Variants in HSF5 observed in about 807,000 individuals in gnomAD.
HSF5 encodes the protein heat shock factor protein 5.
HSF5 carries 5 observed loss-of-function variants against 50.8 expected under a neutral mutation model. The observed-to-expected ratio is 0.10, with a 90% CI of 0.05 to 0.21. The LOEUF is 0.21. HSF5 is among the 10% of genes least tolerant of loss of function. The probability of loss-of-function intolerance (pLI) is 1.00; values close to 1 mark genes in which losing one functional copy is unlikely to be tolerated. For missense variants in HSF5, 564 were observed against 762.6 expected (o/e 0.74, Z 3.07); for synonymous variants, 307 against 307.4 (o/e 1.00, Z 0.02).
intron 4 of HSF5, among the ~76,000 whole-genome samples, chr17:58,461,748 T>C (rs1042016922): frequency 1.3e-5 from 2 of 152,092 alleles, no homozygotes; most frequent in Non-Finnish European, 2.9e-5. Flanking sequence ...GGCTCGCCTG[T>C]AATCCCAGTT....
At chr17:58,477,129 T>C (rs2531738) in intron 2 of HSF5, among the ~76,000 whole-genome samples, 52,857 of 146,856 alleles carry the variant, frequency 0.36, 9,809 homozygotes, top group East Asian at 0.5. Flanking sequence ...TTTTTTTTTT[T>C]TTTTTTTTGA....
At chr17:58,476,470 C>T (rs1438728199) in intron 2 of HSF5, 14 of 1,083,286 alleles carry the variant, frequency 1.3e-5, no homozygotes, top group Non-Finnish European at 1.9e-5. Flanking sequence ...TCCAGATTTC[C>T]ATTTGATTTC....
chr17:58,438,481 G>A (rs1974456399), intron 5 of HSF5, among the ~76,000 whole-genome samples: 1 of 152,078 alleles, frequency 6.6e-6, no homozygotes, highest in African/African-American at 2.4e-5. Context: ...GGCAGCACAT[G>A]GTTAGGACAC....
At chr17:58,476,878 T>C (rs1598201156) in intron 2 of HSF5, 3 of 1,256,480 alleles carry the variant, frequency 2.4e-6, no homozygotes, top group East Asian at 2.3e-5. Context: ...GTTTTTTTTT[T>C]CCTGAGGTCT....
intron 1 of HSF5, among the ~76,000 whole-genome samples, chr17:58,483,609 A>C (rs1160334934): frequency 6.6e-6 from 1 of 152,220 alleles, no homozygotes; most frequent in Non-Finnish European, 1.5e-5. Context: ...AAGAATCCAA[A>C]AACTTGCCTC....
chr17:58,474,193 T>G (rs867029709), intron 2 of HSF5, among the ~76,000 whole-genome samples: 1 of 152,234 alleles, frequency 6.6e-6, no homozygotes. Context: ...CACTACTTTT[T>G]ATTTCCTTCA....
chr17:58,440,048 T>C (rs559103249), intron 5 of HSF5, among the ~76,000 whole-genome samples: 14 of 151,872 alleles, frequency 9.2e-5, no homozygotes, highest in African/African-American at 2.2e-4. Flanking sequence ...AGCTTTCCTA[T>C]TGAAGACAAC....
At chr17:58,454,019 G>A (rs968034307) in intron 5 of HSF5, among the ~76,000 whole-genome samples, 22 of 152,034 alleles carry the variant, frequency 1.4e-4, no homozygotes, top group Non-Finnish European at 2.4e-4. Context: ...ACTTGAACCT[G>A]GGAGGCAGAG....
chr17:58,432,732 T>C (rs1468574445), intron 5 of HSF5, among the ~76,000 whole-genome samples: 2 of 152,148 alleles, frequency 1.3e-5, no homozygotes, highest in African/African-American at 4.8e-5. Flanking sequence ...GGGAAAATAA[T>C]TACTGATTTA....
intron 5 of HSF5, among the ~76,000 whole-genome samples, chr17:58,447,220 C>T (rs901195914): frequency 6.6e-6 from 1 of 152,214 alleles, no homozygotes; most frequent in African/African-American, 2.4e-5. Context: ...AACACCAAAG[C>T]CCCTGATTCC....
intron 1 of HSF5, 98 bp from the exon 2 acceptor site, chr17:58,480,365 C>A (rs1477111325): frequency 3.4e-6 from 4 of 1,162,592 alleles, no homozygotes; most frequent in African/African-American, 3.2e-5. Flanking sequence ...CACCTATCAG[C>A]CATTTTTAAC....
intron 1 of HSF5, 94 bp downstream of exon 1, chr17:58,487,631 C>A: frequency 3.8e-6 from 5 of 1,330,256 alleles, no homozygotes; most frequent in Non-Finnish European, 4.8e-6. Context: ...ACGCCCATAG[C>A]GTGAGGACGT....
At chr17:58,484,483 ATG>A (rs762057069) in intron 1 of HSF5, among the ~76,000 whole-genome samples, 2 of 152,026 alleles carry the variant, frequency 1.3e-5, no homozygotes, top group Non-Finnish European at 2.9e-5. Context: ...GTTGGTTTTT[ATG>A]TGTGTGTGTA....
chr17:58,431,402 G>T (rs1974363334), intron 5 of HSF5, among the ~76,000 whole-genome samples: 1 of 152,088 alleles, frequency 6.6e-6, no homozygotes, highest in Non-Finnish European at 1.5e-5. Context: ...ACATAGAAAA[G>T]GTACCATAAA....
chr17:58,428,756 ATGTAGAGAAACTGGAACCCT>A (rs1232335889), intron 5 of HSF5, among the ~76,000 whole-genome samples: 1 of 152,230 alleles, frequency 6.6e-6, no homozygotes. Context: ...GTTAGCGAGG[ATGTAGAGAAACTGGAACCCT>A]TGTGCATTGC....
At position 58,421,373 on chromosome 17, in the gene HSF5, C is replaced by T. The variant is rs1974227968; in HGVS notation, c.*987G>A. ...TTTTTCCCAAATTTGCACACAATAC[C>T]TTATATAGATGAGAATTTATACTTA... On this transcript the variant is annotated 3_prime_UTR_variant, in exon 6 of 6. Coordinates refer to ENST00000323777, the MANE Select transcript of HSF5 (RefSeq NM_001080439.3). The T allele has an allele frequency of 1.3e-5, 2 of 152,504 alleles. No individual in the cohort carries two copies. The highest frequency in any genetic ancestry group is 2.9e-5 in the Non-Finnish European group (2 of 68,000). The allele number at this position is 152,504 out of a possible 1,614,324, so 9.4% of individuals were successfully genotyped here.
At chr17:58,452,004 G>T (rs1385057025) in intron 5 of HSF5, among the ~76,000 whole-genome samples, 1 of 147,738 alleles carries the variant, frequency 6.8e-6, no homozygotes, top group Non-Finnish European at 1.5e-5. Flanking sequence ...AATGCACTTT[G>T]TGAGACTGAG....
At chr17:58,461,833 G>C (rs1389599949) in intron 4 of HSF5, among the ~76,000 whole-genome samples, 1 of 152,116 alleles carries the variant, frequency 6.6e-6, no homozygotes, top group Non-Finnish European at 1.5e-5. Context: ...TTGCACCACT[G>C]CACTCCAGCC....
In HSF5 at chr17:58,480,761, T is replaced by G. The variant is rs1174230109; in HGVS notation, c.551-494A>C. On this transcript the variant is annotated intron_variant, in intron 1 of 5. Transcript: ENST00000323777. ...AGATAAAAAAAAAAGTAACGCTCTT[T>G]GCTATCTATCTATCTATCTATCTAT... 4.0e-5 allele frequency among the ~76,000 whole-genome samples: 3 copies of G among 75,110 alleles called. No individual in the cohort carries two copies. The Admixed American group carries it at 4.3e-4, about 11-fold the overall frequency. 49.3% of individuals were successfully genotyped at this position (75,110 alleles called of 152,430 possible).
Sources: allele counts gnomAD v4.1 joint callset (sites outside exome capture counted in the v4.1 genomes callset), GRCh38; gene constraint gnomAD v4.1.1; transcripts MANE v1.5; gene names NCBI Gene and HGNC (gene_info 2026-07-23, HGNC 2026-07-21).